Variants in COL14A1 observed in about 807,000 individuals in gnomAD.
COL14A1 encodes the protein collagen type XIV alpha 1 chain.
Under a neutral mutation model 230.3 loss-of-function variants are expected in COL14A1, and 136 were observed. The observed-to-expected ratio is 0.59, with a 90% CI of 0.51 to 0.68. The LOEUF is 0.68. Among genes scored for constraint, COL14A1 ranks in the 30% least tolerant of loss-of-function variants. COL14A1 has a pLI of 0.00. For missense variants in COL14A1, 1,976 were observed against 2,215.8 expected (o/e 0.89, Z 2.17); for synonymous variants, 792 against 784.1 (o/e 1.01, Z -0.17).
chr8:120,207,666 C>T (rs1358997109), intron 10 of COL14A1, among the ~76,000 whole-genome samples: 2 of 152,136 alleles, frequency 1.3e-5, no homozygotes, highest in Admixed American at 6.6e-5. Flanking sequence ...CCTTTGATAC[C>T]ACAATTCACA....
At chr8:120,257,734 G>C (rs1819202759) in intron 23 of COL14A1, among the ~76,000 whole-genome samples, 1 of 152,156 alleles carries the variant, frequency 6.6e-6, no homozygotes, top group Non-Finnish European at 1.5e-5. Context: ...TCCAGGCAAA[G>C]GAGATACTAG....
chr8:120,314,374 G>A (rs368494774), intron 38 of COL14A1, among the ~76,000 whole-genome samples: 3 of 151,960 alleles, frequency 2.0e-5, no homozygotes, highest in Admixed American at 6.5e-5. Flanking sequence ...ACAAATTTAA[G>A]TTTTTTAATT....
At position 120,225,129 on chromosome 8, in the gene COL14A1, G is replaced by A; in HGVS notation, c.1779G>A (p.Leu593=). The A allele has an allele frequency of 6.2e-7, 1 of 1,612,648 alleles. No homozygotes were observed. The highest frequency in any genetic ancestry group is 8.5e-7 in the Non-Finnish European group (1 of 1,179,656). Residue 593 remains leucine (L), a synonymous_variant, in exon 15 of 48, where the codon TTG becomes TTA. Coordinates refer to ENST00000297848, the MANE Select transcript of COL14A1 (RefSeq NM_021110.4). ...DPITTFPLKG[L]TPLTEYTIAI... is the part of the protein sequence containing the mutation. Reference sequence around the variant, plus strand: ...TTACTACCTTCCCTCTGAAGGGCTTGACACCTCTCACAGAGTATACTATTG... The same window carrying A: ...TTACTACCTTCCCTCTGAAGGGCTTAACACCTCTCACAGAGTATACTATTG...
intron 32 of COL14A1, among the ~76,000 whole-genome samples, chr8:120,284,491 T>A (rs1820136456): frequency 6.6e-6 from 1 of 152,206 alleles, no homozygotes; most frequent in Admixed American, 6.5e-5. Flanking sequence ...CTATATCTAG[T>A]TTTAGTTTAG....
At chr8:120,357,326 A>T (rs1342918838) in intron 45 of COL14A1, among the ~76,000 whole-genome samples, 1 of 152,132 alleles carries the variant, frequency 6.6e-6, no homozygotes, top group African/African-American at 2.4e-5. Context: ...GATTGGCAGG[A>T]GGGCTCAGTT....
intron 19 of COL14A1, among the ~76,000 whole-genome samples, chr8:120,237,805 T>C (rs1320737338): frequency 6.6e-6 from 1 of 152,158 alleles, no homozygotes; most frequent in Non-Finnish European, 1.5e-5. Context: ...TGAGTGGTCG[T>C]CCTTTTTGTT....
chr8:120,306,657 C>T (rs765450211), intron 36 of COL14A1, among the ~76,000 whole-genome samples: 1 of 152,094 alleles, frequency 6.6e-6, no homozygotes, highest in Non-Finnish European at 1.5e-5. Flanking sequence ...TGAGTGTTTT[C>T]GTCAACAAGT....
chr8:120,201,443 C>T (rs1280126436), intron 8 of COL14A1, among the ~76,000 whole-genome samples: 2 of 152,048 alleles, frequency 1.3e-5, no homozygotes, highest in African/African-American at 4.8e-5. Context: ...GGTATTTATT[C>T]TACAGAAATT....
rs568518609 is a variant in COL14A1, at chr8:120,360,587, G to A, written c.5078-6584G>A. ...GCAGATAATGCCTGTTCTTCAAGACGTCATTTTGGGCTCAGCCATATTGGA... is the reference window on the plus strand; with the variant it reads ...GCAGATAATGCCTGTTCTTCAAGACATCATTTTGGGCTCAGCCATATTGGA... On this transcript the variant is annotated intron_variant, in intron 45 of 47. Coordinates refer to ENST00000297848, the MANE Select transcript of COL14A1 (RefSeq NM_021110.4). Among the ~76,000 whole-genome samples the A allele has an allele frequency of 2.2e-4, 34 of 152,320 alleles. No homozygotes were observed. In the South Asian group the frequency reaches 5.8e-3, roughly 26 times the overall value.
chr8:120,133,137 AC>A (rs1217871167), intron 1 of COL14A1, among the ~76,000 whole-genome samples: 1 of 151,528 alleles, frequency 6.6e-6, no homozygotes, highest in Non-Finnish European at 1.5e-5. Context: ...AATGGCGTGA[AC>A]CCGGGAGGCG....
At chr8:120,218,288 T>C (rs1817827914) in intron 14 of COL14A1, among the ~76,000 whole-genome samples, 1 of 142,094 alleles carries the variant, frequency 7.0e-6, no homozygotes. Context: ...TAAATAGATA[T>C]ATAATATATA....
At position 120,325,922 on chromosome 8, in the gene COL14A1, T is replaced by C. The variant is rs78430562; in HGVS notation, c.4660-6219T>C. ...GTGCAAGTACTTTTTTAGCTGTTAA[T>C]AGTTGAAGACCATTCAATGAGCTTT... is the stretch of plus-strand genomic sequence containing the variant. On this transcript the variant is annotated intron_variant, in intron 40 of 47. Coordinates refer to ENST00000297848, the MANE Select transcript of COL14A1 (RefSeq NM_021110.4). 2.6e-4 allele frequency among the ~76,000 whole-genome samples: 40 copies of C among 152,352 alleles called. No individual in the cohort carries two copies. In the East Asian group the frequency reaches 7.5e-3, roughly 29 times the overall value.
intron 45 of COL14A1, among the ~76,000 whole-genome samples, chr8:120,349,464 A>C (rs1386999285): frequency 7.2e-6 from 1 of 138,216 alleles, no homozygotes; most frequent in Non-Finnish European, 1.5e-5. Context: ...TTCAAACCAA[A>C]GGCAAAGAAG....
intron 3 of COL14A1, among the ~76,000 whole-genome samples, chr8:120,159,200 C>A (rs1249854404): frequency 6.6e-6 from 1 of 152,160 alleles, no homozygotes. Flanking sequence ...CTACCCTTGA[C>A]CTCTTCAACC....
intron 1 of COL14A1, among the ~76,000 whole-genome samples, chr8:120,136,367 GCA>G (rs540230596): frequency 5.9e-5 from 6 of 101,418 alleles, no homozygotes; most frequent in Admixed American, 3.6e-4. Flanking sequence ...TAGATTACAC[GCA>G]CACACACACA....
intron 40 of COL14A1, among the ~76,000 whole-genome samples, chr8:120,331,717 G>A (rs1025792788): frequency 5.3e-5 from 8 of 152,144 alleles, no homozygotes; most frequent in Non-Finnish European, 8.8e-5. Flanking sequence ...CAGACTTTCC[G>A]ATATTGTAGT....
At chr8:120,364,692 G>A (rs1823345817) in intron 45 of COL14A1, among the ~76,000 whole-genome samples, 1 of 152,082 alleles carries the variant, frequency 6.6e-6, no homozygotes, top group African/African-American at 2.4e-5. Flanking sequence ...AGACCAGCCT[G>A]GCCAAAATGG....
intron 5 of COL14A1, among the ~76,000 whole-genome samples, chr8:120,189,796 C>G (rs981066579): frequency 6.6e-6 from 1 of 151,944 alleles, no homozygotes; most frequent in Non-Finnish European, 1.5e-5. Flanking sequence ...CATTCATGTC[C>G]CTACAAAGGA....
chr8:120,363,646 A>T (rs540271193), intron 45 of COL14A1, among the ~76,000 whole-genome samples: 7 of 152,354 alleles, frequency 4.6e-5, no homozygotes, highest in African/African-American at 1.7e-4. Flanking sequence ...GAATTCATTT[A>T]GTCTTCCAGT....
Sources: gnomAD v4.1 joint callset for allele counts (sites outside exome capture counted in the v4.1 genomes callset) on GRCh38, gnomAD v4.1.1 for gene constraint, MANE v1.5 for transcripts, NCBI Gene and HGNC (gene_info 2026-07-23, HGNC 2026-07-21) for gene names.